SNX31: variants seen among roughly 807,000 people sequenced by gnomAD.
SNX31 encodes sorting nexin-31.
In SNX31, 58 loss-of-function variants were observed where a neutral mutation model predicts 65.4. The observed-to-expected ratio is 0.89, with a 90% CI of 0.72 to 1.10. SNX31 has a LOEUF of 1.10. Ranked by LOEUF, SNX31 falls within the 50% of genes least tolerant of loss-of-function variation. The pLI, the probability that SNX31 is intolerant of heterozygous loss-of-function variation, is 0.00. For synonymous variants in SNX31, 181 were observed against 190.1 expected (o/e 0.95, Z 0.39); for missense variants, 523 against 529.7 (o/e 0.99, Z 0.12).
chr8:100,647,795 G>A (rs1039802589), intron 2 of SNX31, among the ~76,000 whole-genome samples: 2 of 152,128 alleles, frequency 1.3e-5, no homozygotes, highest in Admixed American at 6.5e-5. Flanking sequence ...AAACAGAGGA[G>A]GGTAGGAGAG....
chr8:100,574,605 C>T (rs1408069803), intron 13 of SNX31, among the ~76,000 whole-genome samples: 1 of 149,662 alleles, frequency 6.7e-6, no homozygotes, highest in Non-Finnish European at 1.5e-5. Context: ...TGCACTTCAG[C>T]CTGGCAACAG....
intron 8 of SNX31, among the ~76,000 whole-genome samples, chr8:100,608,129 C>T (rs1372260607): frequency 6.6e-6 from 1 of 152,224 alleles, no homozygotes; most frequent in Non-Finnish European, 1.5e-5. Flanking sequence ...TCTCTCTAAA[C>T]TCCTCTACTT....
chr8:100,588,614 T>G lies in SNX31; in HGVS notation c.1092+252A>C, dbSNP rs1814273357. Among the ~76,000 whole-genome samples the G allele has an allele frequency of 6.6e-6, 1 of 152,268 alleles. No homozygotes were observed. The highest frequency in any genetic ancestry group is 1.5e-5 in the Non-Finnish European group (1 of 68,048). ...AGAAAAAGTCTATGGACTCCTGGTC[T>G]AAGCCACTGTTGGTTGAATCTTCTA... On this transcript the variant is annotated intron_variant, in intron 11 of 13. Coordinates refer to ENST00000311812, the MANE Select transcript of SNX31 (RefSeq NM_152628.4). The surrounding 1 kb of genome is among the most constrained non-coding windows in gnomAD (Gnocchi z 4.8).
At chr8:100,634,726 G>A (rs1452898819) in intron 3 of SNX31, among the ~76,000 whole-genome samples, 1 of 150,662 alleles carries the variant, frequency 6.6e-6, no homozygotes, top group Non-Finnish European at 1.5e-5. Flanking sequence ...TCCAGCCTGG[G>A]CGACAGAGCG....
chr8:100,600,373 G>A lies in SNX31; in HGVS notation c.750C>T (p.Phe250=), dbSNP rs749865136. 8.1e-6 allele frequency: 13 copies of A among 1,613,570 alleles called. No individual in the cohort carries two copies. The South Asian group carries it at 1.4e-4, about 18-fold the overall frequency. The change falls in exon 9 of 14, where the codon TTC becomes TTT. Residue 250 remains phenylalanine (F), a synonymous_variant. Coordinates refer to ENST00000311812, the MANE Select transcript of SNX31 (RefSeq NM_152628.4). The part of the protein sequence containing the change: ...TQAQRQKLEA[F]QKEDSQTKFL... ...CCTTTGTTTGACTGTCTTCTTTCTG[G>A]AAAGCTTCTAATTTCTGCCTCTGTG...
chr8:100,597,600 A>T (rs1815234571), intron 9 of SNX31, among the ~76,000 whole-genome samples: 2 of 152,222 alleles, frequency 1.3e-5, no homozygotes, highest in African/African-American at 4.8e-5. Flanking sequence ...AAAGTGGTTC[A>T]TTTCTACAGG....
At position 100,656,640 on chromosome 8, in the gene SNX31, CAAAAAA is replaced by C. The variant is rs34052612; in HGVS notation, c.-58+6496_-58+6501del. Among the ~76,000 whole-genome samples, 3 of 44,608 alleles carry C rather than the reference CAAAAAA, an allele frequency of 6.7e-5. 1 individual carries two copies. Among genetic ancestry groups the C allele is most frequent in the African/African-American group, 2.5e-4 (3 of 12,236 alleles). The allele number at this position is 44,608 out of a possible 152,430, so 29.3% of individuals were successfully genotyped here. ...TGGGCAACAGAGTGAGACTCTGTCT[CAAAAAA>C]AAAAAAAAAAAAAAAAAAAACCTTT... On this transcript the variant is annotated intron_variant, in intron 1 of 5. Transcript: ENST00000520352.
At position 100,660,185 on chromosome 8, in the gene SNX31, T is replaced by C. The variant is rs1397700809; in HGVS notation, c.-58+2957A>G. The stretch of plus-strand genomic sequence containing the variant: ...GCACTTACCATCTTCCAGAGAACCA[T>C]TTTACGTAAACTACTTTGTTCAATC... On this transcript the variant is annotated intron_variant, in intron 1 of 5. Transcript: ENST00000520352. The surrounding 1 kb of genome is among the most constrained non-coding windows in gnomAD (Gnocchi z 4.1). Among the ~76,000 whole-genome samples the C allele has an allele frequency of 3.9e-5, 6 of 152,242 alleles. No homozygotes were observed. The highest frequency in any genetic ancestry group is 2.1e-4 in the South Asian group (1 of 4,832).
At chr8:100,632,581 T>C (rs1331301714) in intron 3 of SNX31, among the ~76,000 whole-genome samples, 1 of 152,156 alleles carries the variant, frequency 6.6e-6, no homozygotes, top group Non-Finnish European at 1.5e-5. Flanking sequence ...AAACCCTTTT[T>C]CTTGAGCTAC....
At chr8:100,599,524 A>G (rs1159489292) in intron 9 of SNX31, among the ~76,000 whole-genome samples, 1 of 151,558 alleles carries the variant, frequency 6.6e-6, no homozygotes, top group Non-Finnish European at 1.5e-5. Context: ...TTGTGGCAGT[A>G]TGTGCCTTTC....
At position 100,630,881 on chromosome 8, in the gene SNX31, G is replaced by C. The variant is rs530532304; in HGVS notation, c.257-490C>G. 6.6e-6 allele frequency among the ~76,000 whole-genome samples: 1 copy of C among 152,134 alleles called. No individual in the cohort carries two copies. Among genetic ancestry groups the C allele is most frequent in the Non-Finnish European group, 1.5e-5 (1 of 68,016 alleles). ...CGGCTCACTGCAATGTCCGTCTCCTGGGTTAAGACGATTCTCTTGCCTCAG... is the reference window on the plus strand; with the variant it reads ...CGGCTCACTGCAATGTCCGTCTCCTCGGTTAAGACGATTCTCTTGCCTCAG... On this transcript the variant is annotated intron_variant, in intron 3 of 13. Transcript: ENST00000311812. The surrounding 1 kb of genome is among the most constrained non-coding windows in gnomAD (Gnocchi z 5.3).
intron 3 of SNX31, among the ~76,000 whole-genome samples, chr8:100,631,820 A>G (rs538171223): frequency 1.4e-4 from 22 of 152,330 alleles, no homozygotes; most frequent in Non-Finnish European, 2.1e-4. Flanking sequence ...ATTTTCTGCA[A>G]TGGGGCATAT....
intron 10 of SNX31, among the ~76,000 whole-genome samples, chr8:100,593,629 G>A (rs1265756786): frequency 6.6e-6 from 1 of 151,630 alleles, no homozygotes; most frequent in Admixed American, 6.6e-5. Context: ...AATTTTTGTA[G>A]TTTTAGTAGA....
chr8:100,584,151 G>A lies in SNX31; in HGVS notation c.1130C>T (p.Ser377Leu), dbSNP rs1271638333. 6.2e-7 allele frequency: 1 copy of A among 1,601,500 alleles called. No individual in the cohort carries two copies. Among genetic ancestry groups the A allele is most frequent in the African/African-American group, 1.4e-5 (1 of 73,862 alleles). The change falls in exon 12 of 14, where the codon TCA becomes TTA. Residue 377 changes from serine to leucine, a missense_variant. By Grantham distance (145) the Ser-to-Leu change is moderately radical (BLOSUM62 -2). Coordinates refer to ENST00000311812, the MANE Select transcript of SNX31 (RefSeq NM_152628.4). Reference protein sequence around the residue: ...LLSSCLKKMISEKMVKLAAEN... With the variant: ...LLSSCLKKMILEKMVKLAAEN... The stretch of plus-strand genomic sequence containing the variant: ...AGCAGCTAGCTTTACCATCTTTTCT[G>A]AGATCATCTTTTTCAAGCAGCTACT...
At position 100,588,808 on chromosome 8, in the gene SNX31, A is replaced by G. The variant is rs1814294006; in HGVS notation, c.1092+58T>C. ...TAGGGTCATGTGCTTCATCCACCCC[A>G]GCAAGCAAGACAGCATTTCAGCACA... On this transcript the variant is annotated intron_variant, in intron 11 of 13. Coordinates refer to ENST00000311812, the MANE Select transcript of SNX31 (RefSeq NM_152628.4). The surrounding 1 kb of genome is among the most constrained non-coding windows in gnomAD (Gnocchi z 4.8). 3.8e-6 allele frequency: 5 copies of G among 1,331,642 alleles called. No homozygotes were observed. In the East Asian group the frequency reaches 6.9e-5, roughly 18 times the overall value. 82.5% of individuals were successfully genotyped at this position (1,331,642 alleles called of 1,614,324 possible).
chr8:100,581,679 T>C (rs747644682), intron 12 of SNX31, among the ~76,000 whole-genome samples: 78 of 152,154 alleles, frequency 5.1e-4, no homozygotes, highest in Non-Finnish European at 9.9e-4. Context: ...GAACCTGCCC[T>C]GCAAAATAGA....
chr8:100,637,749 G>T (rs1818880624), intron 2 of SNX31, among the ~76,000 whole-genome samples: 2 of 152,126 alleles, frequency 1.3e-5, no homozygotes, highest in East Asian at 1.9e-4. Context: ...AGGCTGGAGT[G>T]CAGTGGCATG....
chr8:100,659,353 C>CA (rs148671568), intron 1 of SNX31, among the ~76,000 whole-genome samples: 3,542 of 71,270 alleles, frequency 0.05, 111 homozygotes, highest in Non-Finnish European at 0.069. Flanking sequence ...AACTCCATCA[C>CA]AAAAAAAAAA....
At chr8:100,593,919 G>C (rs1554574235) in intron 10 of SNX31, among the ~76,000 whole-genome samples, 1 of 152,084 alleles carries the variant, frequency 6.6e-6, no homozygotes, top group African/African-American at 2.4e-5. Flanking sequence ...GACGGCAAAA[G>C]CACAATCCAA....
Sources: allele counts gnomAD v4.1 joint callset (sites outside exome capture counted in the v4.1 genomes callset), GRCh38; gene constraint gnomAD v4.1.1; non-coding constraint Gnocchi (gnomAD v3.1); transcripts MANE v1.5; gene names NCBI Gene and HGNC (gene_info 2026-07-23, HGNC 2026-07-21).